Variants in LITAF observed in about 807,000 individuals in gnomAD.
LITAF encodes lipopolysaccharide-induced tumor necrosis factor-alpha factor.
Under a neutral mutation model 14.5 loss-of-function variants are expected in LITAF, and 9 were observed. That is an observed-to-expected ratio of 0.62 (90% CI 0.37 to 1.08). The LOEUF is 1.08. LITAF is among the 50% of genes least tolerant of loss of function. The pLI is 0.01. For synonymous variants in LITAF, 98 were observed against 88.2 expected (o/e 1.11, Z -0.62); for missense variants, 206 against 213.4 (o/e 0.97, Z 0.22).
chr16:11,591,310 G>A (rs1567256607), upstream of LITAF, among the ~76,000 whole-genome samples: 1 of 114,634 alleles, frequency 8.7e-6, no homozygotes, highest in South Asian at 2.7e-4. Flanking sequence ...TCAGCCTCCA[G>A]AGTGGCTGGG....
upstream of LITAF, among the ~76,000 whole-genome samples, chr16:11,637,678 T>C (rs1597379588): frequency 2.0e-5 from 3 of 151,828 alleles, no homozygotes; most frequent in East Asian, 5.8e-4. Context: ...GCCCAGGAGT[T>C]CAAGACCAGC....
intron 1 of LITAF, among the ~76,000 whole-genome samples, chr16:11,572,894 C>T (rs932702818): frequency 5.3e-5 from 8 of 150,032 alleles, no homozygotes; most frequent in African/African-American, 2.0e-4. Flanking sequence ...TGGGAGCTCT[C>T]TGTATTAATT....
At chr16:11,596,212 C>T (rs965710468) in intron 1 of LITAF, among the ~76,000 whole-genome samples, 3 of 152,062 alleles carry the variant, frequency 2.0e-5, no homozygotes, top group Admixed American at 1.3e-4. Flanking sequence ...GCAGCCCAGC[C>T]GGATAGCAGG....
At chr16:11,616,698 A>C (rs2141886663) in intron 3 of LITAF, among the ~76,000 whole-genome samples, 1 of 151,980 alleles carries the variant, frequency 6.6e-6, no homozygotes, top group South Asian at 2.1e-4. Flanking sequence ...GATGATCATA[A>C]ACATCAAAAG....
chr16:11,595,610 T>G (rs1275175258), intron 1 of LITAF, among the ~76,000 whole-genome samples: 1 of 152,148 alleles, frequency 6.6e-6, no homozygotes, highest in Non-Finnish European at 1.5e-5. Flanking sequence ...ACTCCTGTAG[T>G]CCCAGCTACT....
chr16:11,583,087 C>T (rs1033244751), intron 1 of LITAF, among the ~76,000 whole-genome samples: 2 of 152,130 alleles, frequency 1.3e-5, no homozygotes, highest in African/African-American at 4.8e-5. Context: ...GAGAAATTGG[C>T]CTTTGGTTAT....
At chr16:11,562,313 C>CAAAAAAAA (rs57317505) in intron 1 of LITAF, among the ~76,000 whole-genome samples, 3 of 61,428 alleles carry the variant, frequency 4.9e-5, no homozygotes, top group African/African-American at 6.6e-5. Flanking sequence ...GACTCCGTCT[C>CAAAAAAAA]AAAAAAAAAA....
chr16:11,598,161 G>T (rs573937382), intron 1 of LITAF, among the ~76,000 whole-genome samples: 58 of 152,078 alleles, frequency 3.8e-4, no homozygotes, highest in African/African-American at 1.4e-3. Context: ...GCCTCCCAAG[G>T]TGCTGGAATT....
chr16:11,550,152 G>T (rs963398179), intron 3 of LITAF, among the ~76,000 whole-genome samples: 1 of 152,034 alleles, frequency 6.6e-6, no homozygotes, highest in Non-Finnish European at 1.5e-5. Flanking sequence ...TCGCTCTGTC[G>T]CCCAGGGTTC....
intron 1 of LITAF, among the ~76,000 whole-genome samples, chr16:11,581,672 G>A (rs898834651): frequency 2.6e-5 from 4 of 152,076 alleles, no homozygotes; most frequent in South Asian, 2.1e-4. Flanking sequence ...AAGACTAAGT[G>A]GGGGGTAAAG....
intron 1 of LITAF, among the ~76,000 whole-genome samples, chr16:11,594,566 G>A (rs1264846863): frequency 6.6e-6 from 1 of 152,124 alleles, no homozygotes; most frequent in Non-Finnish European, 1.5e-5. Flanking sequence ...TGGAGGAAAA[G>A]GTTTCCAAGG....
At chr16:11,568,338 T>C (rs1445446824) in intron 1 of LITAF, among the ~76,000 whole-genome samples, 8 of 151,206 alleles carry the variant, frequency 5.3e-5, no homozygotes, top group Non-Finnish European at 5.9e-5. Flanking sequence ...CACTGTATTA[T>C]CCATTCAGAA....
rs2064303116 is a variant in LITAF, at chr16:11,558,102, C to T, written c.-5-1367G>A. ...GCTCCGGGGCAGCGAGCCACAACCA[C>T]CACTCCCCTCTCCCGACACTGTCTG... On this transcript the variant is annotated intron_variant, in intron 1 of 3. Coordinates refer to ENST00000622633, the MANE Select transcript of LITAF (RefSeq NM_001136472.2). This position sits in a 1 kb window ranked among gnomAD's most constrained non-coding sequence, Gnocchi z 4.1. 1.3e-5 allele frequency among the ~76,000 whole-genome samples: 2 copies of T among 152,162 alleles called. No individual in the cohort carries two copies. Among genetic ancestry groups the T allele is most frequent in the Non-Finnish European group, 2.9e-5 (2 of 68,030 alleles).
intron 1 of LITAF, among the ~76,000 whole-genome samples, chr16:11,593,373 AAAAAAAG>A (rs2064860722): frequency 6.6e-6 from 1 of 151,194 alleles, no homozygotes; most frequent in Non-Finnish European, 1.5e-5. Context: ...AAAAAAAAAA[AAAAAAAG>A]TTAATGGAAA....
intron 3 of LITAF, among the ~76,000 whole-genome samples, chr16:11,607,682 A>C (rs1417931947): frequency 2.6e-5 from 4 of 152,216 alleles, no homozygotes. Flanking sequence ...TGAATGCAAA[A>C]AAAAATTTAA....
chr16:11,627,547 T>C (rs1214508296), intron 3 of LITAF, among the ~76,000 whole-genome samples: 1 of 152,190 alleles, frequency 6.6e-6, no homozygotes, highest in Non-Finnish European at 1.5e-5. Context: ...TGTATTAGAC[T>C]TAAAAAAATA....
intron 1 of LITAF, among the ~76,000 whole-genome samples, chr16:11,563,565 C>A (rs1023446782): frequency 1.3e-5 from 2 of 152,104 alleles, no homozygotes; most frequent in Non-Finnish European, 1.5e-5. Flanking sequence ...CATGAAAGTG[C>A]GTTTACTGTG....
chr16:11,583,391 C>T (rs1032013198), intron 1 of LITAF, among the ~76,000 whole-genome samples: 5 of 152,220 alleles, frequency 3.3e-5, no homozygotes, highest in African/African-American at 1.2e-4. Context: ...GGTGAAACCA[C>T]ATCCCTAGTT....
At chr16:11,599,993 A>AT (rs924160686), upstream of LITAF, among the ~76,000 whole-genome samples, 14 of 151,736 alleles carry the variant, frequency 9.2e-5, no homozygotes, top group African/African-American at 3.1e-4. Flanking sequence ...CTCCTTTTTA[A>AT]TTTTTTAATT....
Sources: allele counts gnomAD v4.1 joint callset (sites outside exome capture counted in the v4.1 genomes callset), GRCh38; gene constraint gnomAD v4.1.1; non-coding constraint Gnocchi (gnomAD v3.1); transcripts MANE v1.5; gene names NCBI Gene and HGNC (gene_info 2026-07-23, HGNC 2026-07-21).